Variants in RBFOX1 observed in about 807,000 individuals in gnomAD.
RBFOX1 encodes the protein RNA binding fox-1 homolog 1.
A neutral mutation model predicts 57.7 loss-of-function variants in RBFOX1; 8 were observed. The ratio of observed to expected loss-of-function variants is 0.14; its 90% CI spans 0.08 to 0.25. RBFOX1 has a LOEUF of 0.25. Among genes scored for constraint, RBFOX1 ranks in the 10% least tolerant of loss-of-function variants. The pLI is 1.00. For missense variants in RBFOX1, 611 were observed against 548.5 expected (o/e 1.11, Z -1.14); for synonymous variants, 326 against 222.4 (o/e 1.47, Z -4.15).
In RBFOX1 at chr16:5,245,567, C is replaced by T. The variant is rs534606595; in HGVS notation, c.219+5462C>T. ...TCAAGGGATTCTCCTGCCTCAGCCT[C>T]CCAAGTAGCTGGAAATGCAGATGCG... is the stretch of plus-strand genomic sequence containing the variant. On this transcript the variant is annotated intron_variant, in intron 1 of 2. Coordinates refer to the RBFOX1 transcript ENST00000585867. Among the ~76,000 whole-genome samples the T allele has an allele frequency of 5.3e-5, 8 of 152,244 alleles. No individual in the cohort carries two copies. In the South Asian group the frequency reaches 1.7e-3, roughly 32 times the overall value.
At chr16:6,382,287 A>G (rs2091889384) in intron 2 of RBFOX1, among the ~76,000 whole-genome samples, 1 of 152,200 alleles carries the variant, frequency 6.6e-6, no homozygotes, top group Admixed American at 6.5e-5. Context: ...GTCCCGTCCT[A>G]AAGTTTAGCA....
At chr16:6,308,257 A>T (rs74620774) in intron 1 of RBFOX1, among the ~76,000 whole-genome samples, 2,469 of 152,160 alleles carry the variant, frequency 0.016, 30 homozygotes, top group Middle Eastern at 0.028. Context: ...ATCATCTGTT[A>T]TTTCCATATT....
intron 14 of RBFOX1, among the ~76,000 whole-genome samples, chr16:7,701,749 A>C (rs1346114219): frequency 1.3e-5 from 2 of 152,150 alleles, no homozygotes; most frequent in African/African-American, 4.8e-5. Context: ...GTAACCACAG[A>C]GGAGTATTTC....
intron 11 of RBFOX1, among the ~76,000 whole-genome samples, chr16:7,642,016 G>C (rs1190931176): frequency 6.6e-6 from 1 of 152,170 alleles, no homozygotes; most frequent in African/African-American, 2.4e-5. Context: ...TGGAAGGGCT[G>C]AGGTGGGAGG....
At chr16:7,430,713 C>A (rs1257662628) in intron 4 of RBFOX1, among the ~76,000 whole-genome samples, 1 of 151,522 alleles carries the variant, frequency 6.6e-6, no homozygotes, top group East Asian at 1.9e-4. Flanking sequence ...GAGTTGCCAG[C>A]ATGGCATGGA....
At chr16:6,761,008 A>G (rs2076525669) in intron 3 of RBFOX1, among the ~76,000 whole-genome samples, 1 of 152,220 alleles carries the variant, frequency 6.6e-6, no homozygotes, top group Non-Finnish European at 1.5e-5. Flanking sequence ...TTTCCAATTA[A>G]TAAGAAAATA....
In RBFOX1 at chr16:5,946,116, A is replaced by G. The variant is rs1398872124; in HGVS notation, c.351+78781A>G. Among the ~76,000 whole-genome samples the G allele has an allele frequency of 1.3e-5, 2 of 152,204 alleles. No homozygotes were observed. The highest frequency in any genetic ancestry group is 2.9e-5 in the Non-Finnish European group (2 of 68,034). ...TTACCCGCTATTCTTGTCTTTTTAA[A>G]AAAGATTTTGTTAATAGACCACCAC... On this transcript the variant is annotated intron_variant, in intron 4 of 19. Transcript: ENST00000641259. The surrounding 1 kb of genome is among the most constrained non-coding windows in gnomAD (Gnocchi z 4.6).
At chr16:7,158,553 A>T (rs557392182) in intron 4 of RBFOX1, among the ~76,000 whole-genome samples, 1 of 151,630 alleles carries the variant, frequency 6.6e-6, no homozygotes, top group Non-Finnish European at 1.5e-5. Context: ...GTGTGTATCT[A>T]TGTCTGTGTG....
chr16:6,347,497 C>T (rs2085573757), intron 2 of RBFOX1, among the ~76,000 whole-genome samples: 1 of 152,204 alleles, frequency 6.6e-6, no homozygotes, highest in South Asian at 2.1e-4. Flanking sequence ...GAATGTTCTT[C>T]ACTATGACAG....
intron 3 of RBFOX1, among the ~76,000 whole-genome samples, chr16:6,719,011 G>A (rs2065396525): frequency 6.6e-6 from 1 of 151,880 alleles, no homozygotes; most frequent in East Asian, 1.9e-4. Context: ...GACTACAGGT[G>A]TATTTCAACG....
intron 1 of RBFOX1, among the ~76,000 whole-genome samples, chr16:6,023,051 G>A (rs2095115106): frequency 6.6e-6 from 1 of 152,092 alleles, no homozygotes; most frequent in Admixed American, 6.5e-5. Context: ...GGTCTCAGGG[G>A]CCAGGGAAAT....
chr16:6,878,101 T>G (rs2062178827), intron 3 of RBFOX1, among the ~76,000 whole-genome samples: 1 of 152,144 alleles, frequency 6.6e-6, no homozygotes, highest in African/African-American at 2.4e-5. Flanking sequence ...AGATATATGG[T>G]GGCGTGTATG....
intron 1 of RBFOX1, among the ~76,000 whole-genome samples, chr16:6,106,323 T>C (rs1208798901): frequency 2.6e-5 from 4 of 151,844 alleles, no homozygotes; most frequent in East Asian, 1.9e-4. Flanking sequence ...TAGTCAGGCT[T>C]GATGACAGGT....
chr16:6,293,271 C>A (rs1195353306), intron 1 of RBFOX1, among the ~76,000 whole-genome samples: 1 of 152,088 alleles, frequency 6.6e-6, no homozygotes, highest in Non-Finnish European at 1.5e-5. Context: ...GGGGTATAAA[C>A]CTAGACACTC....
At chr16:6,448,156 C>CTTCT (rs2094523503) in intron 2 of RBFOX1, among the ~76,000 whole-genome samples, 1 of 78,460 alleles carries the variant, frequency 1.3e-5, no homozygotes, top group African/African-American at 5.6e-5. Context: ...TCTTTTCTTT[C>CTTCT]TTTTTTTTTT....
intron 3 of RBFOX1, among the ~76,000 whole-genome samples, chr16:5,646,866 C>G (rs1036850816): frequency 6.6e-6 from 1 of 152,044 alleles, no homozygotes; most frequent in Non-Finnish European, 1.5e-5. Flanking sequence ...ATCTCTTGAC[C>G]TCATGATCTG....
At chr16:5,277,223 G>C (rs1331439994) in intron 1 of RBFOX1, among the ~76,000 whole-genome samples, 1 of 152,050 alleles carries the variant, frequency 6.6e-6, no homozygotes, top group East Asian at 1.9e-4. Flanking sequence ...AACAAACATT[G>C]CATGTTCTCA....
chr16:6,537,181 C>T (rs1474830735), intron 2 of RBFOX1, among the ~76,000 whole-genome samples: 3 of 152,100 alleles, frequency 2.0e-5, no homozygotes, highest in African/African-American at 4.8e-5. Flanking sequence ...TATTCTGTTT[C>T]GTAGGTCTGG....
chr16:6,247,455 T>C (rs1336114974), intron 1 of RBFOX1, among the ~76,000 whole-genome samples: 1 of 152,196 alleles, frequency 6.6e-6, no homozygotes, highest in Non-Finnish European at 1.5e-5. Flanking sequence ...GGAGAGGCAG[T>C]TAGCTCATGA....
Sources: gnomAD v4.1 joint callset for allele counts (sites outside exome capture counted in the v4.1 genomes callset) on GRCh38, gnomAD v4.1.1 for gene constraint, Gnocchi (gnomAD v3.1) non-coding constraint, MANE v1.5 for transcripts, NCBI Gene and HGNC (gene_info 2026-07-23, HGNC 2026-07-21) for gene names.